Variants in NTN1 observed in about 807,000 individuals in gnomAD.
NTN1 encodes the protein netrin-1.
NTN1 carries 11 observed loss-of-function variants against 54.2 expected under a neutral mutation model. The ratio of observed to expected loss-of-function variants is 0.20; its 90% CI spans 0.13 to 0.34. NTN1 has a LOEUF of 0.34. Ranked by LOEUF, NTN1 falls within the 10% of genes least tolerant of loss-of-function variation. NTN1 has a pLI of 1.00. For synonymous variants in NTN1, 371 were observed against 382.0 expected (o/e 0.97, Z 0.33); for missense variants, 740 against 893.1 (o/e 0.83, Z 2.18).
chr17:9,236,044 A>G (rs1905976710), intron 6 of NTN1, among the ~76,000 whole-genome samples: 2 of 151,208 alleles, frequency 1.3e-5, no homozygotes, highest in Non-Finnish European at 2.9e-5. Context: ...ACAGGGTGAG[A>G]TCCTCATGAT....
intron 6 of NTN1, among the ~76,000 whole-genome samples, chr17:9,235,681 G>A (rs1483991891): frequency 6.6e-6 from 1 of 151,900 alleles, no homozygotes; most frequent in Admixed American, 6.6e-5. Context: ...CCTTCTTGCT[G>A]TGTCCTCACA....
At chr17:9,202,980 G>A (rs1305170423) in intron 5 of NTN1, among the ~76,000 whole-genome samples, 1 of 151,988 alleles carries the variant, frequency 6.6e-6, no homozygotes, top group Admixed American at 6.5e-5. Context: ...AGAGTGCAGT[G>A]GCGCGATCTC....
intron 6 of NTN1, among the ~76,000 whole-genome samples, chr17:9,230,307 C>T (rs1201042696): frequency 6.6e-6 from 1 of 152,154 alleles, no homozygotes; most frequent in South Asian, 2.1e-4. Flanking sequence ...CGAAAGGCCA[C>T]CTCTCCCGAG....
In NTN1 at chr17:9,239,864, G is replaced by A. The variant is rs199592596; in HGVS notation, c.1711G>A (p.Val571Met). 56 of 1,612,226 alleles carry A rather than the reference G, an allele frequency of 3.5e-5. No homozygotes were observed. The highest frequency in any genetic ancestry group is 3.3e-4 in the East Asian group (15 of 44,852). ...GGACTCTCCGGACCAGAGCGGCATC[G>A]TGGCCGATAAAAGCAGCCTGGTGAT... The part of the protein sequence containing the change: ...AEDSPDQSGI[V>M]ADKSSLVIQW... The change falls in exon 7 of 7, where the codon GTG (valine) becomes ATG (methionine). Residue 571 changes from valine to methionine, a missense_variant. Transcript: ENST00000173229. The surrounding 1 kb of genome is among the most constrained non-coding windows in gnomAD (Gnocchi z 5.2).
chr17:9,103,425 G>A (rs1486116212), intron 2 of NTN1, among the ~76,000 whole-genome samples: 2 of 152,182 alleles, frequency 1.3e-5, no homozygotes, highest in Non-Finnish European at 2.9e-5. Context: ...TCATGGGGGA[G>A]TTTGCCTCCG....
intron 2 of NTN1, among the ~76,000 whole-genome samples, chr17:9,115,215 T>C (rs1331593957): frequency 1.3e-5 from 2 of 152,214 alleles, no homozygotes; most frequent in Non-Finnish European, 1.5e-5. Context: ...TTCATTTGGG[T>C]GGGCCAGACA....
At chr17:9,183,095 A>T in intron 5 of NTN1, 126 bp downstream of exon 5, 2 of 940,520 alleles carry the variant, frequency 2.1e-6, no homozygotes, top group Non-Finnish European at 3.5e-6. Flanking sequence ...TCTGCTCCGT[A>T]TGAGTGGCAT....
chr17:9,040,861 G>C (rs2091919029), intron 2 of NTN1, among the ~76,000 whole-genome samples: 1 of 151,956 alleles, frequency 6.6e-6, no homozygotes, highest in African/African-American at 2.4e-5. Context: ...AGGCTGGAGT[G>C]CAGTAGCATG....
In NTN1 at chr17:9,226,956, C is replaced by T. The variant is rs975840076; in HGVS notation, c.1486+5714C>T. ...ACTGGAGCATCCCAGCCCCGCCCCCCGAGGCCCCGCCTCACACCCCACCAA... is the reference window on the plus strand; with the variant it reads ...ACTGGAGCATCCCAGCCCCGCCCCCTGAGGCCCCGCCTCACACCCCACCAA... On this transcript the variant is annotated intron_variant, in intron 6 of 6. Coordinates refer to ENST00000173229, the MANE Select transcript of NTN1 (RefSeq NM_004822.3). 3.3e-5 allele frequency among the ~76,000 whole-genome samples: 5 copies of T among 152,200 alleles called. No individual in the cohort carries two copies. In the South Asian group the frequency reaches 6.2e-4, roughly 19 times the overall value.
intron 2 of NTN1, among the ~76,000 whole-genome samples, chr17:9,105,344 C>T (rs569085534): frequency 1.3e-4 from 20 of 152,234 alleles, no homozygotes; most frequent in African/African-American, 4.6e-4. Flanking sequence ...GTCACCTCTC[C>T]GGGCCTTTTC....
At chr17:9,007,264 CTCTT>C in the NTN1 span, among the ~76,000 whole-genome samples, 22 of 133,436 alleles carry the variant, frequency 1.6e-4, no homozygotes, top group Admixed American at 1.3e-3. Context: ...TTCTCTTTCT[CTCTT>C]TCTTTTCTTT....
intron 2 of NTN1, among the ~76,000 whole-genome samples, chr17:9,088,070 A>T (rs2092095316): frequency 6.6e-6 from 1 of 152,176 alleles, no homozygotes; most frequent in Admixed American, 6.5e-5. Context: ...GCTGAGACGC[A>T]TACTGCTGTG....
chr17:9,022,956 A>G lies in NTN1; in HGVS notation c.583A>G (p.Lys195Glu), dbSNP rs773172213. The G allele has an allele frequency of 6.2e-7, 1 of 1,611,228 alleles. No homozygotes were observed. Among genetic ancestry groups the G allele is most frequent in the Admixed American group, 1.7e-5 (1 of 59,890 alleles). Residue 195 changes from lysine to glutamate, a missense_variant, in exon 2 of 7, where the codon AAG (lysine) becomes GAG (glutamate). Lys to Glu is a moderately conservative substitution (Grantham distance 56). Transcript: ENST00000173229. ...CCGGCCGCACCGCGCGCCCATCACCAAGCAGAACGAGCAGGAGGCCGTGTG... is the reference window on the plus strand; with the variant it reads ...CCGGCCGCACCGCGCGCCCATCACCGAGCAGAACGAGCAGGAGGCCGTGTG... ...YNRPHRAPIT[K>E]QNEQEAVCTD...
At chr17:9,202,337 A>G (rs1904823152) in intron 5 of NTN1, among the ~76,000 whole-genome samples, 1 of 152,168 alleles carries the variant, frequency 6.6e-6, no homozygotes, top group Non-Finnish European at 1.5e-5. Context: ...CAGGCTATCC[A>G]CTGGCCTCTT....
chr17:9,105,676 CTCTCTG>C (rs1161941414), intron 2 of NTN1, among the ~76,000 whole-genome samples: 3 of 151,186 alleles, frequency 2.0e-5, no homozygotes, highest in African/African-American at 7.3e-5. Context: ...CTCTCTCTCT[CTCTCTG>C]TCTCTGTCTC....
chr17:9,003,232 G>T, the NTN1 span, among the ~76,000 whole-genome samples: 32 of 152,014 alleles, frequency 2.1e-4, no homozygotes, highest in African/African-American at 7.5e-4. This position sits in a 1 kb window ranked among gnomAD's most constrained non-coding sequence, Gnocchi z 7.4. Flanking sequence ...CTGGGGCTGC[G>T]GTCGGAGGGC....
intron 6 of NTN1, among the ~76,000 whole-genome samples, chr17:9,222,310 C>G (rs1335486416): frequency 6.6e-6 from 1 of 152,214 alleles, no homozygotes; most frequent in Non-Finnish European, 1.5e-5. Flanking sequence ...GGTGCAGCCC[C>G]TATCCCCTCA....
chr17:9,040,472 T>TTA (rs2091917911), intron 2 of NTN1, among the ~76,000 whole-genome samples: 1 of 152,220 alleles, frequency 6.6e-6, no homozygotes, highest in Non-Finnish European at 1.5e-5. Context: ...TTTGCAACCT[T>TTA]CAGCTTTACT....
intron 5 of NTN1, among the ~76,000 whole-genome samples, chr17:9,198,059 T>A (rs975988444): frequency 1.6e-4 from 25 of 152,138 alleles, no homozygotes; most frequent in African/African-American, 5.8e-4. Flanking sequence ...GGCCCTGCTG[T>A]CTTTGGCTTT....
Sources: gnomAD v4.1 joint callset for allele counts (sites outside exome capture counted in the v4.1 genomes callset) on GRCh38, gnomAD v4.1.1 for gene constraint, Gnocchi (gnomAD v3.1) non-coding constraint, MANE v1.5 for transcripts, NCBI Gene and HGNC (gene_info 2026-07-23, HGNC 2026-07-21) for gene names.